Variants in PARG observed in about 807,000 individuals in gnomAD.
PARG encodes the protein mitochondrial poly(ADP-ribose) glycohydrolase.
Under a neutral mutation model 113.0 loss-of-function variants are expected in PARG, and 35 were observed. The ratio of observed to expected loss-of-function variants is 0.31; its 90% CI spans 0.24 to 0.41. PARG has a LOEUF of 0.41. Ranked by LOEUF, PARG falls within the 10% of genes least tolerant of loss-of-function variation. The probability of loss-of-function intolerance (pLI) is 1.00; values close to 1 mark genes in which losing one functional copy is unlikely to be tolerated. For missense variants in PARG, 797 were observed against 1,169.4 expected, an observed-to-expected ratio of 0.68 and a Z score of 4.64; for synonymous variants, 330 against 409.9, an observed-to-expected ratio of 0.81 and a Z score of 2.36.
In PARG at chr10:49,843,586, A is replaced by G. The variant is rs1338163356; in HGVS notation, c.2400T>C (p.Arg800=). ...TCCCATCTTCGTGGCTCCGGGACCA[A>G]CGATATGTCTCAGCATAGCCTGTGT... The part of the protein sequence containing the change: ...SEYTGYAETY[R]WSRSHEDGSE... The change falls in exon 14 of 18, where the codon CGT becomes CGC. Residue 800 remains arginine, a synonymous_variant. Coordinates refer to ENST00000616448, the MANE Select transcript of PARG (RefSeq NM_003631.5). The G allele has an allele frequency of 1.3e-6, 2 of 1,551,176 alleles. No homozygotes were observed. Among genetic ancestry groups the G allele is most frequent in the East Asian group, 2.4e-5 (1 of 40,918 alleles).
Position 49,876,943 on chromosome 10 carries a change from A to T in PARG, c.1988+2730T>A, listed in dbSNP as rs1322838488. Among the ~76,000 whole-genome samples the T allele has an allele frequency of 5.3e-5, 8 of 152,190 alleles. No individual in the cohort carries two copies. The South Asian group carries it at 6.2e-4, about 12-fold the overall frequency. ...TAACCAAGGAGCATATTATATATAA[A>T]AAAAAAAAACTATCCTGTTTGCTAA... On this transcript the variant is annotated intron_variant, in intron 9 of 17. Coordinates refer to ENST00000616448, the MANE Select transcript of PARG (RefSeq NM_003631.5).
intron 1 of PARG, among the ~76,000 whole-genome samples, chr10:49,940,820 C>A (rs1236601021): frequency 6.6e-6 from 1 of 152,208 alleles, no homozygotes; most frequent in Non-Finnish European, 1.5e-5. Flanking sequence ...AACCACCGCG[C>A]CCGGCCTCGG....
At chr10:49,908,136 T>C (rs1836957233) in intron 7 of PARG, among the ~76,000 whole-genome samples, 1 of 152,226 alleles carries the variant, frequency 6.6e-6, no homozygotes, top group African/African-American at 2.4e-5. Context: ...AGTGATCTAG[T>C]GCATAGAGGG....
chr10:49,895,349 T>C (rs1357305257), intron 7 of PARG, among the ~76,000 whole-genome samples: 2 of 152,190 alleles, frequency 1.3e-5, no homozygotes, highest in Non-Finnish European at 2.9e-5. Context: ...AGCTTTGCAT[T>C]TTCTACAAAA....
chr10:49,925,695 C>G (rs1214926352), intron 4 of PARG, among the ~76,000 whole-genome samples: 6 of 152,212 alleles, frequency 3.9e-5, no homozygotes, highest in African/African-American at 7.2e-5. Flanking sequence ...GACTGTCAAA[C>G]AGGCAGCTTC....
chr10:49,851,187 G>C (rs1305284925), intron 13 of PARG, among the ~76,000 whole-genome samples: 1 of 150,994 alleles, frequency 6.6e-6, no homozygotes, highest in Non-Finnish European at 1.5e-5. Flanking sequence ...AGGAATAAGA[G>C]TTTGTAACGA....
chr10:49,896,056 C>T (rs1345751332), intron 7 of PARG, among the ~76,000 whole-genome samples: 3 of 152,130 alleles, frequency 2.0e-5, no homozygotes, highest in South Asian at 4.1e-4. Flanking sequence ...TTTACTTCTT[C>T]CTTTCTGATT....
At chr10:49,892,557 T>G (rs1554841797) in intron 7 of PARG, among the ~76,000 whole-genome samples, 1 of 152,208 alleles carries the variant, frequency 6.6e-6, no homozygotes, top group Non-Finnish European at 1.5e-5. Flanking sequence ...ATCATTCCCC[T>G]TTGAGAACCA....
Position 49,933,284 on chromosome 10 carries a change from T to C in PARG, c.1164A>G (p.Gly388=). The C allele has an allele frequency of 6.2e-7, 1 of 1,606,216 alleles. No homozygotes were observed. Among genetic ancestry groups the C allele is most frequent in the Non-Finnish European group, 8.5e-7 (1 of 1,174,452 alleles). The change falls in exon 3 of 18, where the codon GGA becomes GGG. Residue 388 remains glycine, a synonymous_variant. Transcript: ENST00000616448. The stretch of plus-strand genomic sequence containing the variant: ...ATTCTACATTCAGGCTAGAAATATT[T>C]CCAGGTAGTTTAGCATTTAAATCAT... The part of the protein sequence containing the change: ...GMNDLNAKLP[G]NISSLNVECR...
chr10:49,844,388 C>T (rs576730470), intron 13 of PARG, among the ~76,000 whole-genome samples: 76 of 151,816 alleles, frequency 5.0e-4, no homozygotes, highest in Non-Finnish European at 2.2e-4. Context: ...TTTGGGAGTC[C>T]GAGGCTGGTG....
intron 7 of PARG, among the ~76,000 whole-genome samples, chr10:49,904,727 C>CCAA (rs1475735746): frequency 6.6e-6 from 1 of 151,838 alleles, no homozygotes; most frequent in African/African-American, 2.4e-5. Flanking sequence ...ACCAGCCTGG[C>CCAA]CAACATGGTG....
In PARG at chr10:49,851,394, AAACG is replaced by A. The variant is rs1554834193; in HGVS notation, c.2353+5908_2353+5911del. On this transcript the variant is annotated intron_variant, in intron 13 of 17. Coordinates refer to ENST00000616448, the MANE Select transcript of PARG (RefSeq NM_003631.5). ...AAAAACTTAGAAAAGACAAGCATAA[AAACG>A]TTTAATTTCCAAACATTTTTGGAAA... Among the ~76,000 whole-genome samples, 5 of 148,658 alleles carry A rather than the reference AAACG, an allele frequency of 3.4e-5. No individual in the cohort carries two copies. The Admixed American group carries it at 3.4e-4, about 10-fold the overall frequency.
Position 49,873,578 on chromosome 10 carries a change from C to T in PARG, c.1989-4023G>A, listed in dbSNP as rs1382928171. 9.9e-5 allele frequency among the ~76,000 whole-genome samples: 14 copies of T among 141,898 alleles called. 1 individual carries two copies. The South Asian group carries it at 3.3e-3, about 34-fold the overall frequency. The allele number at this position is 141,898 out of a possible 152,430, so 93.1% of individuals were successfully genotyped here. A position where few individuals can be genotyped will look rare whatever the true frequency, so the allele number is the denominator to read the frequency against. ...TGAACCTTATCAGTAGAGAGGCTTC[C>T]CTACCTAGAAAATTCCATAGACAGA... On this transcript the variant is annotated intron_variant, in intron 9 of 17. Coordinates refer to ENST00000616448, the MANE Select transcript of PARG (RefSeq NM_003631.5).
intron 16 of PARG, 29 bp downstream of exon 16, chr10:49,832,774 T>C: frequency 1.5e-6 from 2 of 1,321,954 alleles, no homozygotes; most frequent in Non-Finnish European, 2.1e-6. Flanking sequence ...GTGGGCAGAA[T>C]GCTTTTATCC....
chr10:49,908,891 C>T (rs1298511685), intron 7 of PARG, among the ~76,000 whole-genome samples: 5 of 152,084 alleles, frequency 3.3e-5, no homozygotes, highest in African/African-American at 4.8e-5. Flanking sequence ...AACAATTTAC[C>T]GCCTTAGGTC....
intron 11 of PARG, among the ~76,000 whole-genome samples, chr10:49,865,023 C>T (rs1846430446): frequency 6.6e-6 from 1 of 150,536 alleles, no homozygotes; most frequent in Admixed American, 6.6e-5. Context: ...TATTGGTGTT[C>T]CTTGTATTAG....
chr10:49,821,144 C>G (rs1554828559), intron 16 of PARG, among the ~76,000 whole-genome samples: 1 of 152,122 alleles, frequency 6.6e-6, no homozygotes, highest in East Asian at 1.9e-4. Flanking sequence ...TGGACAGTCA[C>G]TCTCTGGTGT....
chr10:49,857,469 G>C lies in PARG; in HGVS notation c.2206-16C>G, dbSNP rs1554835272. 1 of 1,609,196 alleles carries C rather than the reference G, an allele frequency of 6.2e-7. No individual in the cohort carries two copies. The highest frequency in any genetic ancestry group is 2.2e-5 in the East Asian group (1 of 44,802). On this transcript the variant is annotated splice_polypyrimidine_tract_variant and intron_variant, in intron 12 of 17. Coordinates refer to ENST00000616448, the MANE Select transcript of PARG (RefSeq NM_003631.5). Reference sequence around the variant, plus strand: ...CAAAATCCACCTGTTGGGGAAATGTGACATATTAAATAATGGTCAAAAATA... The same window carrying C: ...CAAAATCCACCTGTTGGGGAAATGTCACATATTAAATAATGGTCAAAAATA...
At chr10:49,848,218 G>A (rs1195259209) in intron 13 of PARG, among the ~76,000 whole-genome samples, 30 of 146,078 alleles carry the variant, frequency 2.1e-4, no homozygotes, top group African/African-American at 6.4e-4. Context: ...GCGTGGTGGC[G>A]TGCACCTGTA....
Sources: allele counts gnomAD v4.1 joint callset (sites outside exome capture counted in the v4.1 genomes callset), GRCh38; gene constraint gnomAD v4.1.1; transcripts MANE v1.5; gene names NCBI Gene and HGNC (gene_info 2026-07-23, HGNC 2026-07-21).